AKAP13: variants seen among roughly 807,000 people sequenced by gnomAD.
AKAP13 encodes A-kinase anchoring protein 13, also known as A-kinase anchor protein 13.
In AKAP13, 80 loss-of-function variants were observed where a neutral mutation model predicts 264.5. That is an observed-to-expected ratio of 0.30 (90% CI 0.25 to 0.36). AKAP13 has a LOEUF of 0.36. Among genes scored for constraint, AKAP13 ranks in the 10% least tolerant of loss-of-function variants. The pLI is 1.00. For missense variants in AKAP13, 3,712 were observed against 3,435.2 expected (o/e 1.08, Z -2.01); for synonymous variants, 1,380 against 1,250.2 (o/e 1.10, Z -2.19).
In AKAP13 at chr15:85,585,822, C is replaced by A; in HGVS notation, c.4160C>A (p.Ala1387Glu). 2 of 1,613,882 alleles carry A rather than the reference C, an allele frequency of 1.2e-6. No homozygotes were observed. Among genetic ancestry groups the A allele is most frequent in the East Asian group, 4.5e-5 (2 of 44,874 alleles). The change falls in exon 8 of 37, where the codon GCG becomes GAG. Residue 1387 changes from alanine to glutamate, a missense_variant and splice_region_variant. Ala to Glu is a moderately radical substitution (Grantham distance 107, BLOSUM62 -1). Around this residue, in one of 3 missense-constraint regions of AKAP13, gnomAD observed 2,759 missense variants for 2,411.7 expected, o/e 1.14. Transcript: ENST00000394518. The part of the protein sequence containing the change: ...LKMKQGPMTQ[A>E]INRENWCTIE... The stretch of plus-strand genomic sequence containing the variant: ...ATGAAGCAAGGCCCAATGACCCAGG[C>A]GGTAAGTGGCATCAGTAAGTCTATA...
In AKAP13 at chr15:85,741,255, A is replaced by G. The variant is rs1028009345; in HGVS notation, c.7818A>G (p.Glu2606=). Residue 2606 remains glutamate (E), a synonymous_variant, in exon 35 of 37, where the codon GAA becomes GAG. Coordinates refer to ENST00000394518, the MANE Select transcript of AKAP13 (RefSeq NM_007200.5). ...EEKRRREREW[E]ARERELRERE... ...AGCGCAGGCGCGAGCGTGAGTGGGA[A>G]GCTCGTGAGAGGGAGCTGCGGGAGC... 4 of 1,609,630 alleles carry G rather than the reference A, an allele frequency of 2.5e-6. No homozygotes were observed. Among genetic ancestry groups the G allele is most frequent in the Non-Finnish European group, 1.7e-6 (2 of 1,178,194 alleles).
chr15:85,401,002 CAT>C lies in AKAP13; in HGVS notation c.-12+20205_-12+20206del, dbSNP rs150860789. Among the ~76,000 whole-genome samples the C allele has an allele frequency of 2.1e-3, 323 of 152,056 alleles. 10 individuals are homozygous for C. In the East Asian group the frequency reaches 0.054, roughly 26 times the overall value. On this transcript the variant is annotated intron_variant, in intron 1 of 36. Coordinates refer to ENST00000394518, the MANE Select transcript of AKAP13 (RefSeq NM_007200.5). Reference sequence around the variant, plus strand: ...TCAACCTCCCAAGTAGCTGGGATCACATGTGTGTGTCACCATGCCTGGCTTAT... The same window carrying C: ...TCAACCTCCCAAGTAGCTGGGATCACGTGTGTGTCACCATGCCTGGCTTAT...
intron 1 of AKAP13, among the ~76,000 whole-genome samples, chr15:85,387,563 G>A (rs2070637510): frequency 6.6e-6 from 1 of 152,014 alleles, no homozygotes; most frequent in African/African-American, 2.4e-5. Context: ...GGGATGAAGT[G>A]ATCCTCCCAC....
rs765384839 is a variant in AKAP13 at position 85,581,177 on chromosome 15, C to T, written c.3109C>T (p.His1037Tyr). Residue 1037 changes from histidine (H) to tyrosine (Y), a missense_variant, in exon 7 of 37, where the codon CAC (histidine) becomes TAC (tyrosine). By Grantham distance (83) the His-to-Tyr change is moderately conservative (BLOSUM62 2). Transcript: ENST00000394518. ...AAGGCAGGAAGCCTTGGGGGCAGAG[C>T]ACAACAGCTCCGCTCTGTTGCCATG... ...ESRQEALGAE[H>Y]NSSALLPCLL... The T allele has an allele frequency of 6.2e-7, 1 of 1,614,156 alleles. No individual in the cohort carries two copies. The highest frequency in any genetic ancestry group is 1.1e-5 in the South Asian group (1 of 91,076).
intron 5 of AKAP13, among the ~76,000 whole-genome samples, chr15:85,555,937 T>C (rs1045404784): frequency 1.3e-5 from 2 of 152,204 alleles, no homozygotes; most frequent in African/African-American, 4.8e-5. Flanking sequence ...ATAAAACTTA[T>C]AACAAAAACC....
intron 5 of AKAP13, among the ~76,000 whole-genome samples, chr15:85,562,526 C>G (rs545611929): frequency 1.4e-5 from 2 of 139,154 alleles, no homozygotes; most frequent in South Asian, 4.5e-4. Context: ...GATCGTGCCA[C>G]TGCACTCCAT....
chr15:85,556,756 G>A (rs943005841), intron 5 of AKAP13, among the ~76,000 whole-genome samples: 2 of 152,206 alleles, frequency 1.3e-5, no homozygotes, highest in Non-Finnish European at 2.9e-5. Flanking sequence ...ATTGCCTGAT[G>A]TTCTTGTTCC....
intron 1 of AKAP13, among the ~76,000 whole-genome samples, chr15:85,384,425 T>C (rs1026088581): frequency 6.6e-6 from 1 of 152,116 alleles, no homozygotes; most frequent in Non-Finnish European, 1.5e-5. Context: ...TGGAAGAAAG[T>C]TTGTTTCATA....
At chr15:85,676,100 A>G (rs2084212950) in intron 14 of AKAP13, among the ~76,000 whole-genome samples, 1 of 152,040 alleles carries the variant, frequency 6.6e-6, no homozygotes, top group Admixed American at 6.6e-5. Flanking sequence ...TTTAGTGGAG[A>G]CGGGGTTTCA....
intron 9 of AKAP13, among the ~76,000 whole-genome samples, chr15:85,641,236 G>C (rs1391877590): frequency 6.6e-6 from 1 of 151,846 alleles, no homozygotes; most frequent in African/African-American, 2.4e-5. Context: ...CACGAGATCA[G>C]GAGTTCAAGA....
At chr15:85,505,458 C>T (rs115298469) in intron 2 of AKAP13, among the ~76,000 whole-genome samples, 2,513 of 152,258 alleles carry the variant, frequency 0.017, 75 homozygotes, top group African/African-American at 0.058. Flanking sequence ...GGAGAATACA[C>T]ACAACCTGAT....
chr15:85,442,484 AT>A (rs1471916603), intron 1 of AKAP13, among the ~76,000 whole-genome samples: 11 of 111,052 alleles, frequency 9.9e-5, no homozygotes, highest in South Asian at 2.5e-4. Context: ...ATTATATAAT[AT>A]ATATAATATA....
At chr15:85,670,441 A>G (rs1251961172) in intron 14 of AKAP13, among the ~76,000 whole-genome samples, 1 of 151,214 alleles carries the variant, frequency 6.6e-6, no homozygotes, top group Admixed American at 6.6e-5. Flanking sequence ...TTATACTCTT[A>G]TATACTGTGG....
At position 85,514,316 on chromosome 15, in the gene AKAP13, G is replaced by A. The variant is rs1213277352; in HGVS notation, c.34-7112G>A. Among the ~76,000 whole-genome samples, 13 of 138,016 alleles carry A rather than the reference G, an allele frequency of 9.4e-5. 2 individuals carry two copies. The highest frequency in any genetic ancestry group is 1.9e-4 in the Non-Finnish European group (12 of 64,620). 90.5% of individuals were successfully genotyped at this position (138,016 alleles called of 152,430 possible). ...TGACTTCCTATTTGTTAAAAAAATTGTTTATAATTTATTGCTGTTCTTGAT... is the reference window on the plus strand; with the variant it reads ...TGACTTCCTATTTGTTAAAAAAATTATTTATAATTTATTGCTGTTCTTGAT... On this transcript the variant is annotated intron_variant, in intron 2 of 36. Coordinates refer to ENST00000394518, the MANE Select transcript of AKAP13 (RefSeq NM_007200.5).
At chr15:85,571,753 CA>C (rs777983806) in intron 5 of AKAP13, among the ~76,000 whole-genome samples, 2 of 152,218 alleles carry the variant, frequency 1.3e-5, no homozygotes, top group East Asian at 3.8e-4. Context: ...CTGGCACATA[CA>C]TACTTGCTGA....
chr15:85,453,902 C>T (rs907725328), intron 1 of AKAP13, among the ~76,000 whole-genome samples: 2 of 151,856 alleles, frequency 1.3e-5, no homozygotes, highest in African/African-American at 2.4e-5. Flanking sequence ...AGCCTGGCCA[C>T]GTTTGGGTAG....
chr15:85,578,440 C>T (rs1254941828), intron 6 of AKAP13, among the ~76,000 whole-genome samples: 3 of 152,130 alleles, frequency 2.0e-5, no homozygotes, highest in Non-Finnish European at 4.4e-5. Context: ...CTCCGCCTCC[C>T]GGGTACAAGC....
At chr15:85,740,393 C>G in intron 34 of AKAP13, 121 bp downstream of exon 34, 1 of 1,079,316 alleles carries the variant, frequency 9.3e-7, no homozygotes. Context: ...GGCCCTCAGT[C>G]TAGGGAAGAC....
intron 8 of AKAP13, among the ~76,000 whole-genome samples, chr15:85,586,231 C>T (rs1035304596): frequency 1.3e-5 from 2 of 151,062 alleles, no homozygotes; most frequent in African/African-American, 4.9e-5. Flanking sequence ...GCTCTTGTCA[C>T]CCAGGCTGGA....
Sources: gnomAD v4.1 joint callset for allele counts (sites outside exome capture counted in the v4.1 genomes callset) on GRCh38, gnomAD v4.1.1 for gene constraint, gnomAD v4.1.1 regional missense constraint, MANE v1.5 for transcripts, NCBI Gene and HGNC (gene_info 2026-07-23, HGNC 2026-07-21) for gene names.